Variants in FMO4 observed in about 807,000 individuals in gnomAD.
The protein encoded by FMO4 is flavin containing dimethylaniline monoxygenase 4.
A neutral mutation model predicts 43.3 loss-of-function variants in FMO4; 38 were observed. The observed-to-expected ratio is 0.88, with a 90% CI of 0.68 to 1.15. The LOEUF is 1.15. Ranked by LOEUF, FMO4 falls within the 50% of genes most tolerant of loss-of-function variation. FMO4 has a pLI of 0.00. For synonymous variants in FMO4, 224 were observed against 232.2 expected, an observed-to-expected ratio of 0.96 and a Z score of 0.32; for missense variants, 631 against 663.3, an observed-to-expected ratio of 0.95 and a Z score of 0.54.
Position 171,319,969 on chromosome 1 carries a change from A to C in FMO4, c.132+12A>C, listed in dbSNP as rs1662339457. 5 of 1,613,444 alleles carry C rather than the reference A, an allele frequency of 3.1e-6. No homozygotes were observed. Among genetic ancestry groups the C allele is most frequent in the Non-Finnish European group, 4.2e-6 (5 of 1,179,590 alleles). Reference sequence around the variant, plus strand: ...TATGGAAGTTTACTGTACGTGGTTCATCTCTATCAGTCATGATCTGGCCAT... The same window carrying C: ...TATGGAAGTTTACTGTACGTGGTTCCTCTCTATCAGTCATGATCTGGCCAT... On this transcript the variant is annotated intron_variant, in intron 3 of 9. Transcript: ENST00000367749.
chr1:171,333,260 G>A lies in FMO4; in HGVS notation c.827+352G>A, dbSNP rs1021438032. The A allele has an allele frequency of 3.2e-5, 7 of 219,508 alleles. No individual in the cohort carries two copies. In the Admixed American group the frequency reaches 3.9e-4, roughly 12 times the overall value. The allele number at this position is 219,508 out of a possible 1,614,324, so 13.6% of individuals were successfully genotyped here. A position where few individuals can be genotyped will look rare whatever the true frequency, so the allele number is the denominator to read the frequency against. ...CTTGTTGAGACAGGGTTTTACTCCT[G>A]TCACCCAGGCTGGAGTTCAATGGTC... On this transcript the variant is annotated intron_variant, in intron 7 of 9. Coordinates refer to ENST00000367749, the MANE Select transcript of FMO4 (RefSeq NM_002022.3).
At chr1:171,319,002 C>T (rs553161758) in intron 2 of FMO4, among the ~76,000 whole-genome samples, 86 of 152,294 alleles carry the variant, frequency 5.6e-4, no homozygotes, top group African/African-American at 1.8e-3. Context: ...AATTAATGCT[C>T]TTTTAGCAGT....
rs920422695 is a variant in FMO4, at chr1:171,335,036, C to T, written c.1180+273C>T. 3.3e-5 allele frequency among the ~76,000 whole-genome samples: 5 copies of T among 152,176 alleles called. 1 individual carries two copies. The South Asian group carries it at 8.3e-4, about 25-fold the overall frequency. ...TGAAATTATTGAAGGCTTCATGATC[C>T]TGTTCTAGCCTAGTCTAATCTATCT... On this transcript the variant is annotated intron_variant, in intron 8 of 9. Transcript: ENST00000367749.
intron 7 of FMO4, among the ~76,000 whole-genome samples, 155 bp from the exon 8 acceptor site, chr1:171,334,256 A>T (rs890289919): frequency 4.6e-5 from 7 of 152,202 alleles, no homozygotes; most frequent in African/African-American, 1.7e-4. Flanking sequence ...CCATGTTATA[A>T]ACATACTAAG....
chr1:171,341,602 T>C lies in FMO4; in HGVS notation c.1440T>C (p.Asp480=). The C allele has an allele frequency of 1.9e-6, 3 of 1,614,062 alleles. No individual in the cohort carries two copies. The highest frequency in any genetic ancestry group is 2.5e-6 in the Non-Finnish European group (3 of 1,179,992). Residue 480 remains aspartate (D), a synonymous_variant, in exon 10 of 10, where the codon GAT becomes GAC. Transcript: ENST00000367749. ...GCCTCATGGGCCCTGGAAAATGGGA[T>C]GGAGCCAGAAATGCCATCCTGACCC... ...QYRLMGPGKW[D]GARNAILTQW...
At chr1:171,318,258 A>G (rs1662272850) in intron 2 of FMO4, among the ~76,000 whole-genome samples, 1 of 152,140 alleles carries the variant, frequency 6.6e-6, no homozygotes, top group South Asian at 2.1e-4. Context: ...TGGAGGTTGC[A>G]GTGAGCTGAG....
chr1:171,331,032 G>A (rs12089574), intron 5 of FMO4, among the ~76,000 whole-genome samples: 31,719 of 152,010 alleles, frequency 0.21, 3,646 homozygotes, highest in African/African-American at 0.29. Flanking sequence ...CTTCATTTAC[G>A]AAAGAACTTA....
At chr1:171,330,531 G>A (rs912601781) in intron 5 of FMO4, among the ~76,000 whole-genome samples, 3 of 152,202 alleles carry the variant, frequency 2.0e-5, no homozygotes, top group East Asian at 1.9e-4. Context: ...TGGCAGAAGC[G>A]AAGGAAGAGC....
intron 5 of FMO4, among the ~76,000 whole-genome samples, chr1:171,330,755 C>T (rs1571403996): frequency 6.6e-6 from 1 of 152,154 alleles, no homozygotes; most frequent in East Asian, 1.9e-4. Flanking sequence ...GGGGACACAG[C>T]CAAACCACAT....
chr1:171,335,475 A>G (rs1663083170), intron 8 of FMO4, among the ~76,000 whole-genome samples: 1 of 152,172 alleles, frequency 6.6e-6, no homozygotes, highest in South Asian at 2.1e-4. Flanking sequence ...AGCAGGGCAA[A>G]TTTTAGATTA....
intron 2 of FMO4, among the ~76,000 whole-genome samples, chr1:171,318,985 G>A (rs1188548526): frequency 6.6e-6 from 1 of 152,174 alleles, no homozygotes; most frequent in African/African-American, 2.4e-5. Context: ...ATCTAGAGGT[G>A]TCATAAAATT....
At chr1:171,324,441 T>C (rs1662577134) in intron 5 of FMO4, 141 bp downstream of exon 5, 1 of 623,120 alleles carries the variant, frequency 1.6e-6, no homozygotes, top group Non-Finnish European at 2.7e-6. Context: ...GCAAAATTAC[T>C]TTAAAAGTTG....
intron 9 of FMO4, among the ~76,000 whole-genome samples, chr1:171,339,500 T>C (rs1663268818): frequency 6.6e-6 from 1 of 152,110 alleles, no homozygotes. Flanking sequence ...GATGAGAACA[T>C]CCCAGCGAAG....
intron 3 of FMO4, among the ~76,000 whole-genome samples, chr1:171,322,503 A>G (rs980526737): frequency 1.3e-5 from 2 of 152,176 alleles, no homozygotes; most frequent in Non-Finnish European, 2.9e-5. Context: ...CCCACCAATG[A>G]TTTCTGATAA....
rs1035838839 is a variant in FMO4, at chr1:171,323,211, T to C, written c.321+19T>C. The C allele has an allele frequency of 1.2e-5, 19 of 1,562,470 alleles. No individual in the cohort carries two copies. Among genetic ancestry groups the C allele is most frequent in the Non-Finnish European group, 1.7e-5 (19 of 1,138,060 alleles). On this transcript the variant is annotated intron_variant, in intron 4 of 9. Transcript: ENST00000367749. The stretch of plus-strand genomic sequence containing the variant: ...GTTTAAGGTAAGATACTTTGGGTTA[T>C]GGAAGATGAATAGATGGGGGCTGGC...
chr1:171,324,382 C>T (rs946054117), intron 5 of FMO4, 82 bp downstream of exon 5: 46 of 1,093,412 alleles, frequency 4.2e-5, no homozygotes, highest in African/African-American at 1.4e-4. Context: ...TTGGAAATAC[C>T]GCCCCATGAT....
chr1:171,339,300 T>C (rs1318088290), intron 9 of FMO4, among the ~76,000 whole-genome samples: 1 of 152,130 alleles, frequency 6.6e-6, no homozygotes, highest in African/African-American at 2.4e-5. Flanking sequence ...AAAGTTTCTC[T>C]CGAGTTTTTA....
intron 3 of FMO4, among the ~76,000 whole-genome samples, chr1:171,322,175 TG>T (rs1662462216): frequency 1.3e-5 from 2 of 152,098 alleles, no homozygotes; most frequent in Admixed American, 6.6e-5. Flanking sequence ...GTTGAGAGGA[TG>T]TTTTGTTTTG....
chr1:171,315,732 A>G (rs1432708834), intron 1 of FMO4, among the ~76,000 whole-genome samples: 1 of 152,214 alleles, frequency 6.6e-6, no homozygotes, highest in Non-Finnish European at 1.5e-5. Flanking sequence ...TAATTTTAAA[A>G]GGTGCTAATT....
Sources: gnomAD v4.1 joint callset for allele counts (sites outside exome capture counted in the v4.1 genomes callset) on GRCh38, gnomAD v4.1.1 for gene constraint, MANE v1.5 for transcripts, NCBI Gene and HGNC (gene_info 2026-07-23, HGNC 2026-07-21) for gene names.